CHRM3: variants seen among roughly 807,000 people sequenced by gnomAD.
The protein encoded by CHRM3 is muscarinic acetylcholine receptor M3.
A neutral mutation model predicts 41.8 loss-of-function variants in CHRM3; 11 were observed. That is an observed-to-expected ratio of 0.26 (90% CI 0.17 to 0.44). The LOEUF (loss-of-function observed/expected upper bound fraction) is 0.44, where lower values mean the gene tolerates loss of function less well. Ranked by LOEUF, CHRM3 falls within the 20% of genes least tolerant of loss-of-function variation. The pLI, the probability that CHRM3 is intolerant of heterozygous loss-of-function variation, is 1.00. For missense variants in CHRM3, 571 were observed against 745.4 expected (o/e 0.77, Z 2.72); for synonymous variants, 297 against 301.4 (o/e 0.99, Z 0.15).
chr1:239,836,866 T>A (rs150838878), intron 6 of CHRM3, among the ~76,000 whole-genome samples: 15 of 151,800 alleles, frequency 9.9e-5, no homozygotes, highest in Admixed American at 9.2e-4. Flanking sequence ...TCCCAGCTAC[T>A]TGGGAGGCTG....
chr1:239,697,672 A>G (rs1463219050), intron 5 of CHRM3, among the ~76,000 whole-genome samples: 1 of 152,172 alleles, frequency 6.6e-6, no homozygotes, highest in Non-Finnish European at 1.5e-5. Context: ...AGACATTTAA[A>G]ACTACAGTAG....
At position 239,911,965 on chromosome 1, in the gene CHRM3, G is replaced by A. The variant is rs1680388364; in HGVS notation, c.*2741G>A. On this transcript the variant is annotated 3_prime_UTR_variant, in exon 7 of 7. Transcript: ENST00000676153. ...ATTTCTCAAAGGGCTTGTCATTACA[G>A]GAGATATTCAGCACTTACCTAAGAT... The A allele has an allele frequency of 6.0e-6, 1 of 167,060 alleles. No individual in the cohort carries two copies. The highest frequency in any genetic ancestry group is 1.5e-5 in the Non-Finnish European group (1 of 68,124). The allele number at this position is 167,060 out of a possible 1,614,324, so 10.3% of individuals were successfully genotyped here.
At chr1:239,549,905 A>G (rs954271627) in intron 3 of CHRM3, among the ~76,000 whole-genome samples, 1 of 151,888 alleles carries the variant, frequency 6.6e-6, no homozygotes, top group African/African-American at 2.4e-5. Context: ...CTAACTTTAC[A>G]TATAACATGG....
intron 4 of CHRM3, among the ~76,000 whole-genome samples, chr1:239,673,864 A>G (rs954149142): frequency 6.6e-6 from 1 of 152,160 alleles, no homozygotes; most frequent in African/African-American, 2.4e-5. Context: ...AGTTTCTATT[A>G]TTCACTATTA....
intron 5 of CHRM3, among the ~76,000 whole-genome samples, chr1:239,694,721 G>A (rs1017140664): frequency 6.6e-6 from 1 of 152,126 alleles, no homozygotes; most frequent in Non-Finnish European, 1.5e-5. Flanking sequence ...GAATAAAAAT[G>A]GAGTCATCCT....
intron 3 of CHRM3, among the ~76,000 whole-genome samples, chr1:239,563,710 A>G (rs1036800539): frequency 6.6e-6 from 1 of 152,144 alleles, no homozygotes; most frequent in African/African-American, 2.4e-5. Flanking sequence ...CTCTTTATTT[A>G]TGGTTACTCT....
At chr1:239,439,975 G>A (rs1345917586) in intron 1 of CHRM3, among the ~76,000 whole-genome samples, 1 of 152,078 alleles carries the variant, frequency 6.6e-6, no homozygotes, top group South Asian at 2.1e-4. Flanking sequence ...TGAGGCAGGC[G>A]GATCACGAGG....
chr1:239,395,460 C>G (rs184595158), intron 1 of CHRM3, among the ~76,000 whole-genome samples: 1 of 152,114 alleles, frequency 6.6e-6, no homozygotes, highest in East Asian at 1.9e-4. Context: ...GATTTATTCT[C>G]TTCCCTCACC....
At chr1:239,473,439 A>G (rs1019976302) in intron 1 of CHRM3, among the ~76,000 whole-genome samples, 7 of 152,302 alleles carry the variant, frequency 4.6e-5, no homozygotes, top group African/African-American at 1.7e-4. Flanking sequence ...CATATAAGTG[A>G]TAGTTCATTC....
intron 4 of CHRM3, among the ~76,000 whole-genome samples, chr1:239,657,504 G>A (rs1672817116): frequency 6.6e-6 from 1 of 152,172 alleles, no homozygotes; most frequent in African/African-American, 2.4e-5. Context: ...TAACAAAGAA[G>A]GTTCAGCAGT....
chr1:239,842,414 T>C (rs1339458415), intron 6 of CHRM3, among the ~76,000 whole-genome samples: 3 of 152,106 alleles, frequency 2.0e-5, no homozygotes, highest in African/African-American at 7.2e-5. Flanking sequence ...TTTGTATTTT[T>C]AGTAGAGACG....
chr1:239,839,421 G>C (rs1254912066), intron 6 of CHRM3, among the ~76,000 whole-genome samples: 1 of 152,152 alleles, frequency 6.6e-6, no homozygotes, highest in African/African-American at 2.4e-5. Context: ...TTGGGCTTTT[G>C]GAATGCACTA....
At chr1:239,757,646 G>T (rs1226974272) in intron 5 of CHRM3, among the ~76,000 whole-genome samples, 1 of 144,812 alleles carries the variant, frequency 6.9e-6, no homozygotes, top group East Asian at 2.1e-4. Flanking sequence ...AAAAAAAAAA[G>T]AAAAGACATC....
chr1:239,436,039 A>G (rs1204089626), intron 1 of CHRM3, among the ~76,000 whole-genome samples: 1 of 152,176 alleles, frequency 6.6e-6, no homozygotes, highest in African/African-American at 2.4e-5. Context: ...GTCGTGGAAG[A>G]CAATGTGAAT....
At chr1:239,692,179 T>C (rs1659783356) in intron 5 of CHRM3, among the ~76,000 whole-genome samples, 1 of 152,198 alleles carries the variant, frequency 6.6e-6, no homozygotes, top group Non-Finnish European at 1.5e-5. Flanking sequence ...TTTAGGCATG[T>C]GTTTTTTGAA....
At chr1:239,697,849 T>G (rs1572019070) in intron 5 of CHRM3, among the ~76,000 whole-genome samples, 1 of 152,126 alleles carries the variant, frequency 6.6e-6, no homozygotes, top group Admixed American at 6.5e-5. Context: ...GGTCTAGAGG[T>G]ACACATAGAA....
chr1:239,767,954 C>T (rs1011942848), intron 5 of CHRM3, among the ~76,000 whole-genome samples: 3 of 152,110 alleles, frequency 2.0e-5, no homozygotes, highest in African/African-American at 7.2e-5. Context: ...ATAACAAGCC[C>T]CGGGTGATTT....
chr1:239,726,314 C>T (rs1336205385), intron 5 of CHRM3, among the ~76,000 whole-genome samples: 6 of 149,022 alleles, frequency 4.0e-5, no homozygotes, highest in East Asian at 1.9e-4. Context: ...CTATGTGTAC[C>T]GAACTTTTGA....
intron 3 of CHRM3, among the ~76,000 whole-genome samples, chr1:239,569,973 G>A (rs916618033): frequency 6.6e-6 from 1 of 152,122 alleles, no homozygotes. Context: ...ATTCCCTTCT[G>A]AGGAAATCAA....
Sources: allele counts gnomAD v4.1 joint callset (sites outside exome capture counted in the v4.1 genomes callset), GRCh38; gene constraint gnomAD v4.1.1; transcripts MANE v1.5; gene names NCBI Gene and HGNC (gene_info 2026-07-23, HGNC 2026-07-21).